BTBD8: variants seen among roughly 807,000 people sequenced by gnomAD.
BTBD8 encodes the protein BTB/POZ domain-containing protein 8.
In BTBD8, 110 loss-of-function variants were observed where a neutral mutation model predicts 162.9. The observed-to-expected ratio is 0.68, with a 90% CI of 0.58 to 0.79. The LOEUF (loss-of-function observed/expected upper bound fraction) is 0.79. BTBD8 is among the 30% of genes least tolerant of loss of function. BTBD8 has a pLI of 0.00. For synonymous variants in BTBD8, 667 were observed against 716.1 expected, an observed-to-expected ratio of 0.93 and a Z score of 1.10; for missense variants, 1,905 against 2,085.4, an observed-to-expected ratio of 0.91 and a Z score of 1.68.
chr1:92,171,557 C>T (rs1650547102), intron 13 of BTBD8, 97 bp downstream of exon 13: 4 of 736,370 alleles, frequency 5.4e-6, no homozygotes, highest in Non-Finnish European at 8.0e-6. Context: ...AAAATCTATT[C>T]ATTAATTGAA....
chr1:92,101,472 C>T (rs1043144508), intron 2 of BTBD8, among the ~76,000 whole-genome samples: 2 of 152,276 alleles, frequency 1.3e-5, no homozygotes, highest in Non-Finnish European at 2.9e-5. Flanking sequence ...CATGACAGCT[C>T]CCGCAGGCAC....
At chr1:92,084,881 C>G (rs1241891434) in intron 1 of BTBD8, among the ~76,000 whole-genome samples, 1 of 152,224 alleles carries the variant, frequency 6.6e-6, no homozygotes, top group African/African-American at 2.4e-5. Flanking sequence ...TTCGCACCCT[C>G]TCAGTACTCT....
rs1353517213 is a variant in BTBD8 at position 92,171,397 on chromosome 1, A to G, written c.1574-2A>G. The G allele has an allele frequency of 1.9e-6, 3 of 1,539,972 alleles. No individual in the cohort carries two copies. Among genetic ancestry groups the G allele is most frequent in the Non-Finnish European group, 8.8e-7 (1 of 1,140,930 alleles). Reference sequence around the variant, plus strand: ...AAAACAAATTGCTGTTTCTTTCTACAGCTGCATTTGACAAAGGTGATGATC... The same window carrying G: ...AAAACAAATTGCTGTTTCTTTCTACGGCTGCATTTGACAAAGGTGATGATC... On this transcript the variant is annotated splice_acceptor_variant, in intron 12 of 17. Coordinates refer to ENST00000636805, the MANE Select transcript of BTBD8 (RefSeq NM_001376131.1). LOFTEE classifies it high-confidence loss of function.
Position 92,080,549 on chromosome 1 carries a change from A to T in BTBD8, c.-23A>T. ...AAGTGAGGCCAAGTACTGGGCCTCC[A>T]GGGCGTCGTACCTCTGTGAGACATG... is the stretch of plus-strand genomic sequence containing the variant. On this transcript the variant is annotated 5_prime_UTR_variant, in exon 1 of 18. Coordinates refer to ENST00000636805, the MANE Select transcript of BTBD8 (RefSeq NM_001376131.1). 1 of 1,612,092 alleles carries T rather than the reference A, an allele frequency of 6.2e-7. No homozygotes were observed. The highest frequency in any genetic ancestry group is 8.5e-7 in the Non-Finnish European group (1 of 1,179,390).
At chr1:92,135,128 T>TG (rs1473668464) in intron 5 of BTBD8, among the ~76,000 whole-genome samples, 2 of 151,978 alleles carry the variant, frequency 1.3e-5, no homozygotes, top group African/African-American at 4.8e-5. Flanking sequence ...TGACCTCAGG[T>TG]GATCCACCTC....
intron 2 of BTBD8, among the ~76,000 whole-genome samples, chr1:92,090,396 C>T (rs760981504): frequency 1.3e-5 from 2 of 152,074 alleles, no homozygotes; most frequent in Non-Finnish European, 1.5e-5. Flanking sequence ...TGATGACTAA[C>T]GATGTTGAGC....
At chr1:92,094,158 A>G (rs540062500) in intron 2 of BTBD8, among the ~76,000 whole-genome samples, 19 of 152,194 alleles carry the variant, frequency 1.2e-4, no homozygotes, top group Non-Finnish European at 2.5e-4. Flanking sequence ...AGCACTTCAC[A>G]GTGCTCTATT....
At chr1:92,126,264 G>A (rs1649355949) in intron 4 of BTBD8, 8 of 594,102 alleles carry the variant, frequency 1.3e-5, no homozygotes, top group South Asian at 9.6e-5. Context: ...AGAGTTTGTT[G>A]AAGTGGGAAG....
At chr1:92,096,544 A>G (rs1023471123) in intron 2 of BTBD8, among the ~76,000 whole-genome samples, 1 of 147,116 alleles carries the variant, frequency 6.8e-6, no homozygotes, top group African/African-American at 2.5e-5. Context: ...GCAATCACCT[A>G]TATTTCCTTT....
intron 3 of BTBD8, among the ~76,000 whole-genome samples, chr1:92,103,329 A>T (rs1413585110): frequency 6.6e-6 from 1 of 152,232 alleles, no homozygotes; most frequent in Non-Finnish European, 1.5e-5. Context: ...GTTATATTAC[A>T]GTCAACATAT....
intron 2 of BTBD8, among the ~76,000 whole-genome samples, chr1:92,094,771 G>A (rs1190303754): frequency 6.6e-6 from 1 of 152,162 alleles, no homozygotes; most frequent in Non-Finnish European, 1.5e-5. Flanking sequence ...TTGTGAGAGT[G>A]TGTGTGCATG....
At chr1:92,086,557 G>A (rs1160336514) in intron 1 of BTBD8, among the ~76,000 whole-genome samples, 2 of 152,018 alleles carry the variant, frequency 1.3e-5, no homozygotes, top group Non-Finnish European at 2.9e-5. Context: ...CTTGAGCTTG[G>A]GAGGTGGTGG....
chr1:92,175,822 A>G (rs972829310), intron 13 of BTBD8, among the ~76,000 whole-genome samples: 6 of 152,090 alleles, frequency 3.9e-5, no homozygotes, highest in African/African-American at 7.2e-5. Context: ...GAAAGAAAAA[A>G]AAGAATGACA....
At chr1:92,159,358 G>T (rs1441642079) in intron 9 of BTBD8, among the ~76,000 whole-genome samples, 1 of 151,574 alleles carries the variant, frequency 6.6e-6, no homozygotes, top group Non-Finnish European at 1.5e-5. Context: ...GTATTTTTTT[G>T]TAGAGACAGG....
chr1:92,129,822 T>C (rs369560900), intron 5 of BTBD8, 46 bp downstream of exon 5: 49 of 1,482,444 alleles, frequency 3.3e-5, no homozygotes, highest in African/African-American at 4.2e-5. Context: ...TGATTGTAAA[T>C]TGTATTTCAT....
chr1:92,155,286 T>TA (rs1383030795), intron 9 of BTBD8, among the ~76,000 whole-genome samples: 1 of 152,218 alleles, frequency 6.6e-6, no homozygotes, highest in Admixed American at 6.5e-5. Flanking sequence ...TCTATTTCTA[T>TA]AAAAAATGCA....
At chr1:92,127,785 T>A (rs1287763330) in intron 4 of BTBD8, among the ~76,000 whole-genome samples, 1 of 152,132 alleles carries the variant, frequency 6.6e-6, no homozygotes, top group Non-Finnish European at 1.5e-5. Context: ...AGTCATGAAC[T>A]GCTGACTTCA....
intron 4 of BTBD8, among the ~76,000 whole-genome samples, chr1:92,128,258 A>G (rs530651247): frequency 3.4e-5 from 5 of 148,430 alleles, no homozygotes; most frequent in South Asian, 2.1e-4. Context: ...TTGGGATTAC[A>G]GGCACCCGCC....
chr1:92,177,007 A>T lies in BTBD8; in HGVS notation c.1814A>T (p.Asp605Val). ...AGTATAAATAAAACTCTGAAGCAAG[A>T]TGATGTAAAGGAAAAAGATGGTACA... is the stretch of plus-strand genomic sequence containing the variant. The part of the protein sequence containing the change: ...RNSINKTLKQ[D>V]DVKEKDGTKI... Residue 605 changes from aspartate to valine, a missense_variant, in exon 14 of 18, where the codon GAT (aspartate) becomes GTT (valine). Asp to Val is a radical substitution (Grantham distance 152). Transcript: ENST00000636805. 1 of 1,548,066 alleles carries T rather than the reference A, an allele frequency of 6.5e-7. No individual in the cohort carries two copies. The highest frequency in any genetic ancestry group is 8.7e-7 in the Non-Finnish European group (1 of 1,145,730).
Sources: gnomAD v4.1 joint callset for allele counts (sites outside exome capture counted in the v4.1 genomes callset) on GRCh38, gnomAD v4.1.1 for gene constraint, MANE v1.5 for transcripts, NCBI Gene and HGNC (gene_info 2026-07-23, HGNC 2026-07-21) for gene names.